Variants in MTHFSD observed in about 807,000 individuals in gnomAD.
MTHFSD encodes methenyltetrahydrofolate synthase domain-containing protein.
Under a neutral mutation model 31.1 loss-of-function variants are expected in MTHFSD, and 37 were observed. The ratio of observed to expected loss-of-function variants is 1.19; its 90% CI spans 0.91 to 1.56. The LOEUF (loss-of-function observed/expected upper bound fraction) is 1.56, where lower values mean the gene tolerates loss of function less well. Among genes scored for constraint, MTHFSD ranks in the 40% most tolerant of loss-of-function variants. The pLI, the probability that MTHFSD is intolerant of heterozygous loss-of-function variation, is 0.00. For synonymous variants in MTHFSD, 221 were observed against 206.9 expected (o/e 1.07, Z -0.59); for missense variants, 664 against 510.1 (o/e 1.30, Z -2.91).
intron 7 of MTHFSD, among the ~76,000 whole-genome samples, chr16:86,535,674 T>G (rs1468686810): frequency 3.3e-5 from 5 of 152,142 alleles, no homozygotes; most frequent in Non-Finnish European, 5.9e-5. Flanking sequence ...ATCCGAAATC[T>G]GACTTTCAAG....
At chr16:86,550,903 C>A (rs1382416847) in intron 3 of MTHFSD, among the ~76,000 whole-genome samples, 1 of 152,182 alleles carries the variant, frequency 6.6e-6, no homozygotes, top group African/African-American at 2.4e-5. Flanking sequence ...GTGGAAAGTG[C>A]CCCTCTCACC....
At chr16:86,550,983 G>A (rs781007585) in intron 3 of MTHFSD, among the ~76,000 whole-genome samples, 7 of 152,334 alleles carry the variant, frequency 4.6e-5, no homozygotes, top group South Asian at 2.1e-4. Flanking sequence ...GCATGGCAGC[G>A]TTAAGGCAGA....
At chr16:86,548,697 T>C (rs906668601) in intron 3 of MTHFSD, 120 bp from the exon 4 acceptor site, 1 of 756,294 alleles carries the variant, frequency 1.3e-6, no homozygotes, top group Non-Finnish European at 2.1e-6. Context: ...TGGTTTTTTT[T>C]GGTGTGTGCC....
rs574865660 is a variant in MTHFSD at position 86,554,677 on chromosome 16, G to A, written c.91C>T (p.Arg31Ter). The change falls in exon 2 of 8, where the codon CGA (arginine) becomes TGA (stop). Residue 31 changes from arginine to a stop codon, truncating the protein, a stop_gained. Coordinates refer to ENST00000360900, the MANE Select transcript of MTHFSD (RefSeq NM_001159377.2). LOFTEE classifies it high-confidence loss of function. ...MESQNLADFP[R>*]PVHHRIPNFK... ...TTGGGTATCCTGTGATGAACAGGTC[G>A]GGGAAAGTCAGCTAAATTTTGTGAT... is the stretch of plus-strand genomic sequence containing the variant. 7.9e-5 allele frequency: 127 copies of A among 1,614,112 alleles called. No individual in the cohort carries two copies. Among genetic ancestry groups the A allele is most frequent in the Middle Eastern group, 4.9e-4 (3 of 6,062 alleles).
chr16:86,549,550 G>A (rs1028115849), intron 3 of MTHFSD, among the ~76,000 whole-genome samples: 6 of 152,170 alleles, frequency 3.9e-5, no homozygotes, highest in African/African-American at 1.4e-4. Flanking sequence ...CTCCCTCATG[G>A]GCAGTGTTGG....
intron 4 of MTHFSD, chr16:86,547,456 C>G (rs1972487821): frequency 1.3e-5 from 13 of 985,968 alleles, no homozygotes; most frequent in Non-Finnish European, 1.6e-5. Flanking sequence ...ATACGGGTGG[C>G]TTGGGGGTCT....
intron 7 of MTHFSD, among the ~76,000 whole-genome samples, chr16:86,537,625 G>C (rs1029754466): frequency 2.6e-5 from 4 of 152,212 alleles, no homozygotes; most frequent in Non-Finnish European, 5.9e-5. Context: ...ATTATTTGCA[G>C]AGAACAATTG....
intron 7 of MTHFSD, chr16:86,541,459 T>C (rs1332954230): frequency 9.4e-6 from 6 of 639,268 alleles, no homozygotes; most frequent in African/African-American, 3.7e-5. Context: ...ATTTCTGCCA[T>C]CTACAGAGGC....
At chr16:86,546,730 G>A (rs994353564) in intron 4 of MTHFSD, 81 bp from the exon 5 acceptor site, 10 of 1,220,404 alleles carry the variant, frequency 8.2e-6, no homozygotes, top group African/African-American at 1.5e-5. Context: ...GTGCACTCAG[G>A]GTTTGAATCA....
At chr16:86,541,167 A>T in intron 7 of MTHFSD, 1 of 1,289,486 alleles carries the variant, frequency 7.8e-7, no homozygotes, top group Non-Finnish European at 1.0e-6. Flanking sequence ...CTCCTACTGC[A>T]GACTAATTTG....
chr16:86,532,034 C>T lies in MTHFSD; in HGVS notation c.1129G>A (p.Ala377Thr). 6.7e-7 allele frequency: 1 copy of T among 1,485,710 alleles called. No homozygotes were observed. The allele number at this position is 1,485,710 out of a possible 1,614,324, so 92.0% of individuals were successfully genotyped here. ...GGTCACTTGTCCCTCTGCTGCCTGG[C>T]CAGCGCCACCCTCAGGGTGTCGGTG... ...LGTDTLRVAL[A>T]RQQRDK is the part of the protein sequence containing the mutation. Residue 377 changes from alanine (A) to threonine (T), a missense_variant, in exon 8 of 8, where the codon GCC becomes ACC. By Grantham distance (58) the Ala-to-Thr change is moderately conservative. Transcript: ENST00000360900.
chr16:86,554,674 G>T lies in MTHFSD; in HGVS notation c.94C>A (p.Pro32Thr). 6.2e-7 allele frequency: 1 copy of T among 1,614,146 alleles called. No homozygotes were observed. Among genetic ancestry groups the T allele is most frequent in the Non-Finnish European group, 8.5e-7 (1 of 1,179,998 alleles). Residue 32 changes from proline (P) to threonine (T), a missense_variant, in exon 2 of 8, where the codon CCT (proline) becomes ACT (threonine). Coordinates refer to ENST00000360900, the MANE Select transcript of MTHFSD (RefSeq NM_001159377.2). The part of the protein sequence containing the change: ...ESQNLADFPR[P>T]VHHRIPNFKG... ...AAGTTGGGTATCCTGTGATGAACAG[G>T]TCGGGGAAAGTCAGCTAAATTTTGT...
intron 7 of MTHFSD, among the ~76,000 whole-genome samples, chr16:86,534,159 C>A (rs1236637646): frequency 6.6e-6 from 1 of 152,228 alleles, no homozygotes; most frequent in African/African-American, 2.4e-5. Context: ...CATGTCTATG[C>A]CATGAACATA....
chr16:86,552,358 C>A, intron 2 of MTHFSD: 1 of 1,374,970 alleles, frequency 7.3e-7, no homozygotes, highest in Non-Finnish European at 9.8e-7. Flanking sequence ...GCAGCCCAAG[C>A]AGCTCGGCCC....
intron 7 of MTHFSD, among the ~76,000 whole-genome samples, chr16:86,539,441 T>C (rs1023755813): frequency 1.3e-5 from 2 of 152,254 alleles, no homozygotes; most frequent in Admixed American, 6.5e-5. Context: ...TGATGTTGAC[T>C]GCGGCCATGC....
chr16:86,554,707 T>G lies in MTHFSD; in HGVS notation c.61A>C (p.Met21Leu), dbSNP rs754742924. Residue 21 changes from methionine to leucine, a missense_variant, in exon 2 of 8, where the codon ATG becomes CTG. By Grantham distance (15) the Met-to-Leu change is conservative. Transcript: ENST00000360900. ...AAGTCAGCTAAATTTTGTGATTCCA[T>G]GTAGCCCCAAATTTGTTCACGTATG... ...QDIREQIWGY[M>L]ESQNLADFPR... 1.7e-5 allele frequency: 28 copies of G among 1,614,116 alleles called. No homozygotes were observed. The highest frequency in any genetic ancestry group is 1.6e-4 in the Middle Eastern group (1 of 6,084).
At chr16:86,552,214 C>T (rs766816291) in intron 2 of MTHFSD, 68 bp from the exon 3 acceptor site, 6 of 1,613,548 alleles carry the variant, frequency 3.7e-6, no homozygotes, top group South Asian at 3.3e-5. Context: ...TTCTGGGGGG[C>T]ATCAGGATTT....
At chr16:86,541,087 T>G in intron 7 of MTHFSD, 3 of 1,267,026 alleles carry the variant, frequency 2.4e-6, no homozygotes, top group Non-Finnish European at 3.1e-6. Flanking sequence ...CACAAATGTC[T>G]TCTCAGTAAT....
chr16:86,538,867 T>C (rs1442302702), intron 7 of MTHFSD, among the ~76,000 whole-genome samples: 1 of 152,160 alleles, frequency 6.6e-6, no homozygotes, highest in Non-Finnish European at 1.5e-5. Flanking sequence ...GCTATGCATC[T>C]TGTGGTTTGG....
Sources: allele counts gnomAD v4.1 joint callset (sites outside exome capture counted in the v4.1 genomes callset), GRCh38; gene constraint gnomAD v4.1.1; transcripts MANE v1.5; gene names NCBI Gene and HGNC (gene_info 2026-07-23, HGNC 2026-07-21).